The following RPS6KA2 variants were observed in gnomAD, a reference collection of about 807,000 sequenced individuals.
The protein encoded by RPS6KA2 is ribosomal protein S6 kinase alpha-2.
In RPS6KA2, 42 loss-of-function variants were observed where a neutral mutation model predicts 91.8. The ratio of observed to expected loss-of-function variants is 0.46; its 90% CI spans 0.36 to 0.59. RPS6KA2 has a LOEUF of 0.59. RPS6KA2 is among the 20% of genes least tolerant of loss of function. The pLI, the probability that RPS6KA2 is intolerant of heterozygous loss-of-function variation, is 0.00. For missense variants in RPS6KA2, 798 were observed against 978.5 expected (o/e 0.82, Z 2.46); for synonymous variants, 414 against 393.6 (o/e 1.05, Z -0.61).
chr6:166,614,431 G>A (rs1295111635), intron 1 of RPS6KA2, among the ~76,000 whole-genome samples: 1 of 152,178 alleles, frequency 6.6e-6, no homozygotes, highest in Non-Finnish European at 1.5e-5. Flanking sequence ...GAGGGCAGGT[G>A]TTCACCTTCT....
intron 2 of RPS6KA2, among the ~76,000 whole-genome samples, chr6:166,788,972 T>C (rs1187679030): frequency 6.6e-6 from 1 of 152,080 alleles, no homozygotes; most frequent in African/African-American, 2.4e-5. Context: ...CCATCTGAGG[T>C]ACCAGGTTCA....
rs1197967355 is a variant in RPS6KA2, at chr6:166,665,784, T to C, written c.124-127000A>G. 6.6e-6 allele frequency among the ~76,000 whole-genome samples: 1 copy of C among 152,184 alleles called. No individual in the cohort carries two copies. Among genetic ancestry groups the C allele is most frequent in the Non-Finnish European group, 1.5e-5 (1 of 68,034 alleles). ...TTTTGGGGAGAAACTTGGTTGTTCA[T>C]GTCACGGAGAAGGAAGCCGAGTGAG... On this transcript the variant is annotated intron_variant, in intron 2 of 21. Transcript: ENST00000503859. The surrounding 1 kb of genome is among the most constrained non-coding windows in gnomAD (Gnocchi z 4.5).
intron 2 of RPS6KA2, among the ~76,000 whole-genome samples, chr6:166,741,694 G>A (rs1790820641): frequency 6.6e-6 from 1 of 152,136 alleles, no homozygotes; most frequent in South Asian, 2.1e-4. Flanking sequence ...AGCCCTCCAG[G>A]GCCCCGCCTT....
intron 2 of RPS6KA2, among the ~76,000 whole-genome samples, chr6:166,746,679 T>A (rs1791023680): frequency 6.6e-6 from 1 of 152,184 alleles, no homozygotes; most frequent in Admixed American, 6.5e-5. Context: ...CAACTGGCTA[T>A]AAATAGGGGT....
rs886501089 is a variant in RPS6KA2 at position 166,612,072 on chromosome 6, C to T, written c.99+14849G>A. Among the ~76,000 whole-genome samples, 7 of 152,356 alleles carry T rather than the reference C, an allele frequency of 4.6e-5. No homozygotes were observed. The highest frequency in any genetic ancestry group is 1.7e-4 in the African/African-American group (7 of 41,586). ...ATGAATAAGGCATCCAACCCATTCT[C>T]CAACACCCCTTTCCCAGGCCTGTTT... On this transcript the variant is annotated intron_variant, in intron 1 of 20. Coordinates refer to ENST00000265678, the MANE Select transcript of RPS6KA2 (RefSeq NM_021135.6). The surrounding 1 kb of genome is among the most constrained non-coding windows in gnomAD (Gnocchi z 4.3).
chr6:166,430,352 C>G (rs1046585364), intron 16 of RPS6KA2, 101 bp downstream of exon 16: 5 of 1,054,432 alleles, frequency 4.7e-6, no homozygotes, highest in African/African-American at 1.6e-5. Flanking sequence ...AATTCCAGGA[C>G]AATCCGCGTT....
chr6:166,745,157 T>C (rs574371996), intron 2 of RPS6KA2, among the ~76,000 whole-genome samples: 3 of 149,702 alleles, frequency 2.0e-5, no homozygotes, highest in South Asian at 2.1e-4. Flanking sequence ...CCTTTTTTTT[T>C]TTTTTTTTTT....
chr6:166,766,697 T>G (rs1400213265), intron 2 of RPS6KA2, among the ~76,000 whole-genome samples: 1 of 152,246 alleles, frequency 6.6e-6, no homozygotes, highest in Non-Finnish European at 1.5e-5. Context: ...TACAGCACTA[T>G]TTTCTGCTGA....
intron 1 of RPS6KA2, among the ~76,000 whole-genome samples, chr6:166,569,893 A>T (rs1203573846): frequency 6.6e-6 from 1 of 152,088 alleles, no homozygotes; most frequent in Non-Finnish European, 1.5e-5. Flanking sequence ...TTACATCCCA[A>T]TTCTACAGTC....
chr6:166,753,210 G>A (rs938957882), intron 2 of RPS6KA2, among the ~76,000 whole-genome samples: 2 of 152,122 alleles, frequency 1.3e-5, no homozygotes, highest in African/African-American at 2.4e-5. Flanking sequence ...TGGTATAACC[G>A]GAGCACCCAG....
intron 2 of RPS6KA2, among the ~76,000 whole-genome samples, chr6:166,712,143 G>T (rs1344440407): frequency 6.6e-6 from 1 of 152,208 alleles, no homozygotes; most frequent in Non-Finnish European, 1.5e-5. Context: ...GGTCCACATG[G>T]GTTTCAAAAA....
intron 2 of RPS6KA2, among the ~76,000 whole-genome samples, chr6:166,778,287 G>A (rs961843753): frequency 4.6e-5 from 7 of 152,352 alleles, no homozygotes; most frequent in East Asian, 3.9e-4. Context: ...AACGACTGGC[G>A]CCGGCCAACT....
chr6:166,532,328 A>G (rs745725098), intron 2 of RPS6KA2, among the ~76,000 whole-genome samples: 83 of 152,120 alleles, frequency 5.5e-4, no homozygotes, highest in Non-Finnish European at 8.5e-4. Context: ...CCAAGACTGG[A>G]GGGGCAACGT....
chr6:166,450,121 ACACAGGGACCACCATGGGAACCAC>A (rs1779834365), intron 13 of RPS6KA2, among the ~76,000 whole-genome samples: 1 of 105,600 alleles, frequency 9.5e-6, no homozygotes, highest in African/African-American at 3.6e-5. Context: ...ATGGAGACCA[ACACAGGGACCACCATGGGAACCAC>A]CACAGGGACC....
rs1779786407 is a variant in RPS6KA2, at chr6:166,449,631, C to T, written c.1207-782G>A. 2.0e-5 allele frequency among the ~76,000 whole-genome samples: 3 copies of T among 152,250 alleles called. No individual in the cohort carries two copies. The South Asian group carries it at 6.2e-4, about 32-fold the overall frequency. ...CTACCCTAGGGTCCTGGCTGGGCTC[C>T]ACACAGTGAAGATGCTCCAGTCTCT... On this transcript the variant is annotated intron_variant, in intron 13 of 20. Transcript: ENST00000265678.
chr6:166,830,052 G>A (rs1780142669), intron 2 of RPS6KA2, among the ~76,000 whole-genome samples: 2 of 151,154 alleles, frequency 1.3e-5, no homozygotes, highest in Non-Finnish European at 2.9e-5. Context: ...CTTGAACCTG[G>A]GAGGCGGAGA....
chr6:166,430,328 G>A lies in RPS6KA2; in HGVS notation c.1581+125C>T, dbSNP rs1046051314. The A allele has an allele frequency of 6.9e-6, 6 of 872,920 alleles. No homozygotes were observed. In the Admixed American group the frequency reaches 1.5e-4, roughly 21 times the overall value. 54.1% of individuals were successfully genotyped at this position (872,920 alleles called of 1,614,324 possible). A position where few individuals can be genotyped will look rare whatever the true frequency, so the allele number is the denominator to read the frequency against. On this transcript the variant is annotated intron_variant, in intron 16 of 20. Transcript: ENST00000265678. ...AGCCTCCAGACACAAGAGAGACGATGGTGGCACGGAAGGAATTCCAGGACA... is the reference window on the plus strand; with the variant it reads ...AGCCTCCAGACACAAGAGAGACGATAGTGGCACGGAAGGAATTCCAGGACA...
intron 2 of RPS6KA2, among the ~76,000 whole-genome samples, chr6:166,832,877 A>G (rs918118965): frequency 6.6e-6 from 1 of 152,246 alleles, no homozygotes; most frequent in Non-Finnish European, 1.5e-5. Flanking sequence ...TTTAATCACG[A>G]TACCTTAAAG....
At chr6:166,469,808 G>A (rs990457999) in intron 11 of RPS6KA2, 33 bp downstream of exon 11, 29 of 1,582,966 alleles carry the variant, frequency 1.8e-5, no homozygotes, top group Admixed American at 1.7e-4. Context: ...TGTGTCACGC[G>A]TGTGCAGGTG....
Sources: allele counts gnomAD v4.1 joint callset (sites outside exome capture counted in the v4.1 genomes callset), GRCh38; gene constraint gnomAD v4.1.1; non-coding constraint Gnocchi (gnomAD v3.1); transcripts MANE v1.5; gene names NCBI Gene and HGNC (gene_info 2026-07-23, HGNC 2026-07-21).